The following CSMD1 variants were observed in gnomAD, a reference collection of about 807,000 sequenced individuals.
CSMD1 encodes CUB and Sushi multiple domains 1.
A neutral mutation model predicts 417.5 loss-of-function variants in CSMD1; 213 were observed. The observed-to-expected ratio is 0.51, with a 90% CI of 0.46 to 0.57. CSMD1 has a LOEUF of 0.57. CSMD1 is among the 20% of genes least tolerant of loss of function. The probability of loss-of-function intolerance (pLI) is 0.00; values close to 1 mark genes in which losing one functional copy is unlikely to be tolerated. For synonymous variants in CSMD1, 2,862 were observed against 1,736.8 expected (o/e 1.65, Z -16.11); for missense variants, 6,923 against 4,529.7 (o/e 1.53, Z -15.17).
At chr8:4,842,985 G>C (rs887477377) in intron 1 of CSMD1, among the ~76,000 whole-genome samples, 1 of 152,188 alleles carries the variant, frequency 6.6e-6, no homozygotes, top group African/African-American at 2.4e-5. Context: ...TTCAGAGCTT[G>C]TTGAATAGTC....
intron 1 of CSMD1, among the ~76,000 whole-genome samples, chr8:4,977,561 G>A (rs1810635377): frequency 6.6e-6 from 1 of 152,200 alleles, no homozygotes; most frequent in Non-Finnish European, 1.5e-5. Context: ...CACAGTGGCT[G>A]GCTCCAGCCC....
chr8:3,828,497 G>A (rs1461380882), intron 5 of CSMD1, among the ~76,000 whole-genome samples: 1 of 152,152 alleles, frequency 6.6e-6, no homozygotes, highest in Non-Finnish European at 1.5e-5. Context: ...CTTTATCAGT[G>A]TTTCCCAAAC....
chr8:3,171,096 A>G (rs1820555377), intron 37 of CSMD1, among the ~76,000 whole-genome samples: 1 of 152,244 alleles, frequency 6.6e-6, no homozygotes, highest in African/African-American at 2.4e-5. Flanking sequence ...ATTATAGTTC[A>G]TGAGAATGAC....
At position 4,805,475 on chromosome 8, in the gene CSMD1, A is replaced by T. The variant is rs2118573; in HGVS notation, c.86-167917T>A. ...AGTGGGTTGAGAAGCCTGCGTCGAG[A>T]AGTCAGCGAGTGAAACGCCACCACT... On this transcript the variant is annotated intron_variant, in intron 1 of 69. Transcript: ENST00000635120. Among the ~76,000 whole-genome samples the T allele has an allele frequency of 0.011, 1,641 of 152,158 alleles. 65 individuals carry two copies. The East Asian group carries it at 0.16, about 14-fold the overall frequency.
chr8:4,429,896 G>A (rs1797775791), intron 2 of CSMD1, among the ~76,000 whole-genome samples: 1 of 151,878 alleles, frequency 6.6e-6, no homozygotes, highest in Non-Finnish European at 1.5e-5. Flanking sequence ...CTCCATTTTT[G>A]GCCAAGACTT....
intron 26 of CSMD1, among the ~76,000 whole-genome samples, chr8:3,274,630 T>C (rs1015911875): frequency 1.3e-5 from 2 of 152,198 alleles, no homozygotes; most frequent in Non-Finnish European, 1.5e-5. Flanking sequence ...GGTGCATATA[T>C]ATTTAGGATA....
At chr8:3,450,234 T>C (rs76604613) in intron 12 of CSMD1, among the ~76,000 whole-genome samples, 2,367 of 152,302 alleles carry the variant, frequency 0.016, 62 homozygotes, top group East Asian at 0.11. Flanking sequence ...ACTGACTTCA[T>C]GGTCTTTCTC....
chr8:4,057,194 G>A (rs1057455814), intron 3 of CSMD1, among the ~76,000 whole-genome samples: 55 of 152,240 alleles, frequency 3.6e-4, no homozygotes, highest in Middle Eastern at 3.4e-3. Flanking sequence ...TCCAGCACCT[G>A]TTGTTTCCTG....
In CSMD1 at chr8:3,403,208, A is replaced by G. The variant is rs73657838; in HGVS notation, c.2266+2819T>C. Among the ~76,000 whole-genome samples the G allele has an allele frequency of 5.0e-3, 757 of 152,346 alleles. 6 individuals are homozygous for G. The highest frequency in any genetic ancestry group is 0.017 in the African/African-American group (712 of 41,574). On this transcript the variant is annotated intron_variant, in intron 15 of 69. Coordinates refer to ENST00000635120, the MANE Select transcript of CSMD1 (RefSeq NM_033225.6). ...AAACAAAACACTTTTCAAGAAAAAC[A>G]ATAAATAAGAGTATTCTGTAAGGGA...
At chr8:3,199,014 CAA>C (rs1012112826) in intron 33 of CSMD1, among the ~76,000 whole-genome samples, 2 of 152,290 alleles carry the variant, frequency 1.3e-5, no homozygotes, top group Admixed American at 6.5e-5. Context: ...AAGCTCCACG[CAA>C]AGACTTAATC....
At chr8:3,004,872 C>T (rs1242241074) in intron 52 of CSMD1, among the ~76,000 whole-genome samples, 1 of 152,176 alleles carries the variant, frequency 6.6e-6, no homozygotes, top group Non-Finnish European at 1.5e-5. Context: ...GGCGCAGTGG[C>T]TCATGCCTGT....
intron 5 of CSMD1, among the ~76,000 whole-genome samples, chr8:3,865,008 G>T (rs922223460): frequency 2.0e-5 from 3 of 152,170 alleles, no homozygotes; most frequent in African/African-American, 4.8e-5. Context: ...TGGTTGAGGT[G>T]CTAGCTAATC....
chr8:4,126,317 G>C (rs185615533), intron 3 of CSMD1, among the ~76,000 whole-genome samples: 3 of 152,296 alleles, frequency 2.0e-5, no homozygotes, highest in Admixed American at 6.5e-5. Flanking sequence ...AATTGGCTCT[G>C]TCTGGGCAGG....
intron 1 of CSMD1, among the ~76,000 whole-genome samples, chr8:4,795,121 A>G (rs1369396870): frequency 6.6e-6 from 1 of 152,124 alleles, no homozygotes; most frequent in African/African-American, 2.4e-5. Flanking sequence ...AGCAAAAAAT[A>G]ACAACAGTAG....
At chr8:4,534,647 G>A (rs1015815719) in intron 2 of CSMD1, among the ~76,000 whole-genome samples, 1 of 151,960 alleles carries the variant, frequency 6.6e-6, no homozygotes. Flanking sequence ...GGCCATGTGT[G>A]CTCAGTGTTT....
chr8:4,208,055 A>G (rs1303929874), intron 3 of CSMD1, among the ~76,000 whole-genome samples: 1 of 152,184 alleles, frequency 6.6e-6, no homozygotes, highest in Non-Finnish European at 1.5e-5. Flanking sequence ...AGGGTAATTC[A>G]CTTTTGTTCA....
At chr8:4,845,220 G>C (rs1005619878) in intron 1 of CSMD1, among the ~76,000 whole-genome samples, 7 of 152,004 alleles carry the variant, frequency 4.6e-5, no homozygotes, top group African/African-American at 1.7e-4. Context: ...ACATATTTTG[G>C]TTATTGTACT....
intron 25 of CSMD1, among the ~76,000 whole-genome samples, chr8:3,293,418 T>G (rs537104346): frequency 1.3e-5 from 2 of 152,352 alleles, no homozygotes; most frequent in African/African-American, 4.8e-5. Flanking sequence ...TCCTGCAGAG[T>G]GTTTTCCAAC....
intron 1 of CSMD1, among the ~76,000 whole-genome samples, chr8:4,795,662 A>G (rs1057286160): frequency 6.6e-6 from 1 of 152,094 alleles, no homozygotes; most frequent in Non-Finnish European, 1.5e-5. Context: ...AAATGAGTAC[A>G]ATATGGAAAA....
Sources: allele counts gnomAD v4.1 joint callset (sites outside exome capture counted in the v4.1 genomes callset), GRCh38; gene constraint gnomAD v4.1.1; transcripts MANE v1.5; gene names NCBI Gene and HGNC (gene_info 2026-07-23, HGNC 2026-07-21).